The following RBM33 variants were observed in gnomAD, a reference collection of about 807,000 sequenced individuals.
RBM33 encodes RNA-binding protein 33.
RBM33 carries 28 observed loss-of-function variants against 132.6 expected under a neutral mutation model. The ratio of observed to expected loss-of-function variants is 0.21; its 90% CI spans 0.16 to 0.29. RBM33 has a LOEUF of 0.29. Ranked by LOEUF, RBM33 falls within the 10% of genes least tolerant of loss-of-function variation. RBM33 has a pLI of 1.00. For synonymous variants in RBM33, 634 were observed against 593.0 expected (o/e 1.07, Z -1.01); for missense variants, 1,291 against 1,518.5 (o/e 0.85, Z 2.49).
At chr7:155,728,836 G>C (rs572497731) in intron 9 of RBM33, among the ~76,000 whole-genome samples, 1 of 152,230 alleles carries the variant, frequency 6.6e-6, no homozygotes, top group East Asian at 1.9e-4. Context: ...AGGCAGCCTG[G>C]GTTTGAATTC....
At chr7:155,750,114 G>T (rs73167173) in intron 14 of RBM33, among the ~76,000 whole-genome samples, 11 of 152,110 alleles carry the variant, frequency 7.2e-5, no homozygotes, top group Non-Finnish European at 1.3e-4. Flanking sequence ...AAAATTTTAT[G>T]TGCCTTCCTG....
At position 155,745,001 on chromosome 7, in the gene RBM33, A is replaced by G; in HGVS notation, c.2378A>G (p.Lys793Arg). The G allele has an allele frequency of 1.2e-6, 2 of 1,600,424 alleles. No individual in the cohort carries two copies. Among genetic ancestry groups the G allele is most frequent in the African/African-American group, 1.4e-5 (1 of 73,818 alleles). Residue 793 changes from lysine to arginine, a missense_variant, in exon 14 of 18, where the codon AAG becomes AGG. Physicochemically the swap from Lys to Arg is conservative, Grantham distance 26. Transcript: ENST00000401878. This position sits in a 1 kb window ranked among gnomAD's most constrained non-coding sequence, Gnocchi z 4.1. ...EDEETRLYRL[K>R]IEEQKRLREE... Reference sequence around the variant, plus strand: ...GAGGAAACAAGGTTATATCGCTTAAAGATAGAAGAACAGAAACGCCTAAGA... The same window carrying G: ...GAGGAAACAAGGTTATATCGCTTAAGGATAGAAGAACAGAAACGCCTAAGA...
chr7:155,661,711 T>G (rs1475902513), intron 1 of RBM33, among the ~76,000 whole-genome samples: 1 of 152,104 alleles, frequency 6.6e-6, no homozygotes, highest in Non-Finnish European at 1.5e-5. Flanking sequence ...CCTGGCCTGT[T>G]TATTCATATT....
intron 6 of RBM33, 106 bp from the exon 7 acceptor site, chr7:155,706,754 T>A (rs1563153098): frequency 6.5e-6 from 6 of 918,456 alleles, no homozygotes; most frequent in East Asian, 2.7e-5. Flanking sequence ...GTGAAGCACA[T>A]GCTGTGGCAG....
chr7:155,751,811 A>T (rs900846940), intron 14 of RBM33, among the ~76,000 whole-genome samples: 1 of 152,184 alleles, frequency 6.6e-6, no homozygotes, highest in Non-Finnish European at 1.5e-5. Context: ...TTATAGGAAG[A>T]TACTTTGAGA....
chr7:155,739,566 G>T, intron 11 of RBM33, 149 bp from the exon 12 acceptor site: 1 of 779,164 alleles, frequency 1.3e-6, no homozygotes, highest in Non-Finnish European at 2.0e-6. Flanking sequence ...ATTTTAGATA[G>T]TATTACCTTC....
chr7:155,680,258 C>CTT (rs2116923004), intron 4 of RBM33, among the ~76,000 whole-genome samples: 1 of 152,272 alleles, frequency 6.6e-6, no homozygotes, highest in South Asian at 2.1e-4. Context: ...CAGTCTTGGA[C>CTT]TTTTGCCACT....
intron 3 of RBM33, among the ~76,000 whole-genome samples, chr7:155,673,801 C>CACACACACACACACACA (rs1799077085): frequency 7.0e-6 from 1 of 142,320 alleles, no homozygotes; most frequent in African/African-American, 2.7e-5. Context: ...CACACACACA[C>CACACACACACACACACA]CCCTACCAGT....
rs888874740 is a variant in RBM33 at position 155,644,734 on chromosome 7, C to G, written c.-143C>G. Reference sequence around the variant, plus strand: ...CGGAGGCGAAGGGCCAGCTGTGGACCGCGAAGCGCCCGGCTTCGCCTCTGC... The same window carrying G: ...CGGAGGCGAAGGGCCAGCTGTGGACGGCGAAGCGCCCGGCTTCGCCTCTGC... On this transcript the variant is annotated 5_prime_UTR_variant, in exon 1 of 18. Transcript: ENST00000401878. 11 of 622,334 alleles carry G rather than the reference C, an allele frequency of 1.8e-5. No homozygotes were observed. Among genetic ancestry groups the G allele is most frequent in the African/African-American group, 1.8e-4 (9 of 51,336 alleles). The allele number at this position is 622,334 out of a possible 1,614,324, so 38.6% of individuals were successfully genotyped here. A position where few individuals can be genotyped will look rare whatever the true frequency, so the allele number is the denominator to read the frequency against.
intron 16 of RBM33, among the ~76,000 whole-genome samples, chr7:155,768,017 C>T (rs1429894077): frequency 6.6e-6 from 1 of 152,170 alleles, no homozygotes; most frequent in African/African-American, 2.4e-5. Flanking sequence ...CAGATGGGTG[C>T]GCTTGGCGAG....
chr7:155,697,205 A>G (rs1799817673), intron 5 of RBM33, among the ~76,000 whole-genome samples: 1 of 152,080 alleles, frequency 6.6e-6, no homozygotes, highest in Non-Finnish European at 1.5e-5. Context: ...GAGGAGGAGG[A>G]GTATCTCCAT....
At chr7:155,667,791 A>G (rs756432283) in intron 2 of RBM33, among the ~76,000 whole-genome samples, 13 of 152,106 alleles carry the variant, frequency 8.5e-5, no homozygotes, top group Non-Finnish European at 1.9e-4. Flanking sequence ...TGAAAGTTGT[A>G]ATTTTTTTAA....
chr7:155,767,848 G>A (rs537164003), intron 16 of RBM33, among the ~76,000 whole-genome samples: 1 of 152,350 alleles, frequency 6.6e-6, no homozygotes, highest in African/African-American at 2.4e-5. Context: ...GGATTAATTT[G>A]CAGGAACACG....
intron 2 of RBM33, among the ~76,000 whole-genome samples, chr7:155,668,115 T>C (rs942172667): frequency 6.6e-5 from 10 of 151,572 alleles, no homozygotes; most frequent in Non-Finnish European, 1.3e-4. Context: ...TTGTCTCTTA[T>C]ATTTGTGTGT....
intron 3 of RBM33, among the ~76,000 whole-genome samples, chr7:155,677,116 C>T (rs1799204833): frequency 6.6e-6 from 1 of 152,138 alleles, no homozygotes; most frequent in African/African-American, 2.4e-5. Context: ...AGGCCTGGCT[C>T]ATAGCTCTCA....
chr7:155,734,315 AG>A (rs897022620), intron 9 of RBM33, among the ~76,000 whole-genome samples: 2 of 152,208 alleles, frequency 1.3e-5, no homozygotes, highest in African/African-American at 4.8e-5. Context: ...AATTGAAATC[AG>A]CCCCATCCAA....
chr7:155,755,774 G>A (rs529689748), intron 14 of RBM33, among the ~76,000 whole-genome samples: 10 of 152,126 alleles, frequency 6.6e-5, no homozygotes, highest in African/African-American at 1.4e-4. Flanking sequence ...GCATTTAAAC[G>A]ATTTGTTATA....
chr7:155,759,990 C>T (rs1801982945), intron 14 of RBM33, among the ~76,000 whole-genome samples: 1 of 152,210 alleles, frequency 6.6e-6, no homozygotes, highest in Non-Finnish European at 1.5e-5. Context: ...CTTTTATTAT[C>T]TTAGTGGTGT....
At chr7:155,751,513 A>G (rs1293724109) in intron 14 of RBM33, among the ~76,000 whole-genome samples, 1 of 152,226 alleles carries the variant, frequency 6.6e-6, no homozygotes, top group African/African-American at 2.4e-5. Context: ...TTATATTCAT[A>G]GTGTCCCCTA....
Sources: gnomAD v4.1 joint callset for allele counts (sites outside exome capture counted in the v4.1 genomes callset) on GRCh38, gnomAD v4.1.1 for gene constraint, Gnocchi (gnomAD v3.1) non-coding constraint, MANE v1.5 for transcripts, NCBI Gene and HGNC (gene_info 2026-07-23, HGNC 2026-07-21) for gene names.